PCDHGA4: variants seen among roughly 807,000 people sequenced by gnomAD.
The protein encoded by PCDHGA4 is protocadherin gamma subfamily A, 4.
PCDHGA4 carries 38 observed loss-of-function variants against 54.6 expected under a neutral mutation model. That is an observed-to-expected ratio of 0.70 (90% CI 0.54 to 0.91). PCDHGA4 has a LOEUF of 0.91. Among genes scored for constraint, PCDHGA4 ranks in the 40% least tolerant of loss-of-function variants. PCDHGA4 has a pLI of 0.00. For synonymous variants in PCDHGA4, 511 were observed against 512.9 expected, an observed-to-expected ratio of 1.00 and a Z score of 0.05; for missense variants, 1,298 against 1,220.9, an observed-to-expected ratio of 1.06 and a Z score of -0.94.
chr5:141,406,555 A>G (rs2094824314), intron 1 of PCDHGA4, among the ~76,000 whole-genome samples: 1 of 152,224 alleles, frequency 6.6e-6, no homozygotes. Context: ...TCAGTTATCC[A>G]CTTCCAAACC....
chr5:141,477,157 C>G lies in PCDHGA4; in HGVS notation c.2515-17650C>G. ...TGGTGGAGGTTGTGGATGTGAATGA[C>G]AACGCCCCGGAGATCACAGTCACCT... is the stretch of plus-strand genomic sequence containing the variant. On this transcript the variant is annotated intron_variant, in intron 1 of 3. Transcript: ENST00000571252. This position sits in a 1 kb window ranked among gnomAD's most constrained non-coding sequence, Gnocchi z 4.9. 1 of 1,614,182 alleles carries G rather than the reference C, an allele frequency of 6.2e-7. No individual in the cohort carries two copies. Among genetic ancestry groups the G allele is most frequent in the Non-Finnish European group, 8.5e-7 (1 of 1,180,038 alleles).
Position 141,489,793 on chromosome 5 carries a change from C to T in PCDHGA4, c.2515-5014C>T, listed in dbSNP as rs749700050. On this transcript the variant is annotated intron_variant, in intron 1 of 3. Transcript: ENST00000571252. The surrounding 1 kb of genome is among the most constrained non-coding windows in gnomAD (Gnocchi z 4.5). ...CCACTTCTCTCTGAATGTGAAGACC[C>T]TAAAAGATGGGAAGCCATTCCCAGA... The T allele has an allele frequency of 6.2e-7, 1 of 1,614,044 alleles. No homozygotes were observed. Among genetic ancestry groups the T allele is most frequent in the Non-Finnish European group, 8.5e-7 (1 of 1,180,010 alleles).
chr5:141,423,759 G>GGC, intron 1 of PCDHGA4: 9 of 321,042 alleles, frequency 2.8e-5, no homozygotes, highest in Non-Finnish European at 3.6e-5. Context: ...TTGGGGGGGG[G>GGC]GTGGGGCGGC....
In PCDHGA4 at chr5:141,356,048, A is replaced by G. The variant is rs1266481574; in HGVS notation, c.941A>G (p.Lys314Arg). Residue 314 changes from lysine (K) to arginine (R), a missense_variant, in exon 1 of 4, where the codon AAA becomes AGA. Transcript: ENST00000571252. ...ANGDVTYSFR[K>R]VRDKISQLFQ... is the part of the protein sequence containing the mutation. The stretch of plus-strand genomic sequence containing the variant: ...GGAGACGTGACGTATTCTTTCCGGA[A>G]AGTAAGAGACAAAATATCACAGCTA... The G allele has an allele frequency of 6.2e-7, 1 of 1,613,848 alleles. No individual in the cohort carries two copies. Among genetic ancestry groups the G allele is most frequent in the Non-Finnish European group, 8.5e-7 (1 of 1,179,906 alleles).
chr5:141,487,421 C>G lies in PCDHGA4; in HGVS notation c.2515-7386C>G. On this transcript the variant is annotated intron_variant, in intron 1 of 3. Transcript: ENST00000571252. This position sits in a 1 kb window ranked among gnomAD's most constrained non-coding sequence, Gnocchi z 5.0. ...GGGGCTTCCCCCTTCCAATGGGATC[C>G]TCCGAATCCAGCTAGGGTCAGATGA... 1 of 1,614,144 alleles carries G rather than the reference C, an allele frequency of 6.2e-7. No individual in the cohort carries two copies. The highest frequency in any genetic ancestry group is 8.5e-7 in the Non-Finnish European group (1 of 1,180,022).
chr5:141,389,930 C>G (rs1255366269), intron 1 of PCDHGA4: 1 of 1,614,064 alleles, frequency 6.2e-7, no homozygotes, highest in East Asian at 2.2e-5. Flanking sequence ...CCTCTGACCT[C>G]CAGGCTGAGC....
Position 141,431,581 on chromosome 5 carries a change from T to A in PCDHGA4, c.2515-63226T>A, listed in dbSNP as rs749863807. Reference sequence around the variant, plus strand: ...CTACCGACCCTGACGAAGGAGTCAATGCGGAAGTGAGGTATTCCTTCCGGT... The same window carrying A: ...CTACCGACCCTGACGAAGGAGTCAAAGCGGAAGTGAGGTATTCCTTCCGGT... On this transcript the variant is annotated intron_variant, in intron 1 of 3. Coordinates refer to ENST00000571252, the MANE Select transcript of PCDHGA4 (RefSeq NM_018917.4). This position sits in a 1 kb window ranked among gnomAD's most constrained non-coding sequence, Gnocchi z 4.8. 3.1e-6 allele frequency: 5 copies of A among 1,614,160 alleles called. No individual in the cohort carries two copies. In the South Asian group the frequency reaches 5.5e-5, roughly 18 times the overall value.
chr5:141,366,653 T>TACGCAGAC (rs781417459), intron 1 of PCDHGA4: 2 of 1,614,240 alleles, frequency 1.2e-6, no homozygotes, highest in East Asian at 4.5e-5. Context: ...CCAGCCCAAC[T>TACGCAGAC]ACGCAGACAC....
At chr5:141,465,826 T>A (rs1402342209) in intron 1 of PCDHGA4, among the ~76,000 whole-genome samples, 1 of 151,994 alleles carries the variant, frequency 6.6e-6, no homozygotes, top group Non-Finnish European at 1.5e-5. Context: ...CACATTTGTT[T>A]AAAATTTCAA....
intron 2 of PCDHGA4, among the ~76,000 whole-genome samples, chr5:141,500,695 T>G (rs1214079801): frequency 1.3e-5 from 2 of 152,214 alleles, no homozygotes; most frequent in Admixed American, 6.5e-5. Flanking sequence ...TTTTTCTTCT[T>G]TGCAGTGTAT....
Position 141,477,920 on chromosome 5 carries a change from C to A in PCDHGA4, c.2515-16887C>A, listed in dbSNP as rs755219711. ...GGTAGGCTGGGACGCGGATGCAGGGCACAATGCCTGGCTCTCCTACAGTCT... is the reference window on the plus strand; with the variant it reads ...GGTAGGCTGGGACGCGGATGCAGGGAACAATGCCTGGCTCTCCTACAGTCT... On this transcript the variant is annotated intron_variant, in intron 1 of 3. Transcript: ENST00000571252. The surrounding 1 kb of genome is among the most constrained non-coding windows in gnomAD (Gnocchi z 4.9). The A allele has an allele frequency of 6.2e-7, 1 of 1,614,180 alleles. No individual in the cohort carries two copies. The highest frequency in any genetic ancestry group is 8.5e-7 in the Non-Finnish European group (1 of 1,180,038).
At chr5:141,463,738 G>A (rs1002263384) in intron 1 of PCDHGA4, among the ~76,000 whole-genome samples, 4 of 151,978 alleles carry the variant, frequency 2.6e-5, no homozygotes, top group Admixed American at 2.6e-4. Flanking sequence ...GAGCCACCGC[G>A]CCCGGCCTGC....
Position 141,477,710 on chromosome 5 carries a change from G to A in PCDHGA4, c.2515-17097G>A, listed in dbSNP as rs747156156. ...GCCCCTAGACTATGAGGATCGGCGG[G>A]AATTTGAATTAACAGCTCATATCAG... On this transcript the variant is annotated intron_variant, in intron 1 of 3. Transcript: ENST00000571252. This position sits in a 1 kb window ranked among gnomAD's most constrained non-coding sequence, Gnocchi z 4.9. 2.5e-6 allele frequency: 4 copies of A among 1,613,918 alleles called. No homozygotes were observed. Among genetic ancestry groups the A allele is most frequent in the Middle Eastern group, 3.3e-4 (2 of 6,062 alleles).
At chr5:141,365,372 AT>A in intron 1 of PCDHGA4, 1 of 1,613,916 alleles carries the variant, frequency 6.2e-7, no homozygotes, top group Non-Finnish European at 8.5e-7. Flanking sequence ...CCCCGAAGTG[AT>A]CCTCACCTCT....
chr5:141,413,953 C>A, intron 1 of PCDHGA4: 1 of 1,613,310 alleles, frequency 6.2e-7, no homozygotes, highest in Non-Finnish European at 8.5e-7. Context: ...TGAGAATTTG[C>A]CTGTGGGCAC....
intron 1 of PCDHGA4, chr5:141,399,855 C>A (rs773247537): frequency 2.5e-6 from 4 of 1,612,892 alleles, no homozygotes; most frequent in Non-Finnish European, 2.5e-6. Context: ...TGGTGCCGCG[C>A]GCTGCAGAGC....
At chr5:141,409,438 A>C (rs1459982502) in intron 1 of PCDHGA4, 1 of 1,613,866 alleles carries the variant, frequency 6.2e-7, no homozygotes, top group Non-Finnish European at 8.5e-7. Context: ...CCCTGGACCG[A>C]GAGCAGACAC....
At chr5:141,462,387 A>G (rs781355919) in intron 1 of PCDHGA4, among the ~76,000 whole-genome samples, 13 of 152,178 alleles carry the variant, frequency 8.5e-5, no homozygotes, top group Non-Finnish European at 1.3e-4. Context: ...AAATTCGTTA[A>G]CATTTCTTTT....
In PCDHGA4 at chr5:141,431,414, G is replaced by A. The variant is rs1184197093; in HGVS notation, c.2515-63393G>A. On this transcript the variant is annotated intron_variant, in intron 1 of 3. Coordinates refer to ENST00000571252, the MANE Select transcript of PCDHGA4 (RefSeq NM_018917.4). The surrounding 1 kb of genome is among the most constrained non-coding windows in gnomAD (Gnocchi z 4.8). ...GGTCCTTACGGCCTCCGACGGGGGC[G>A]ACCCGGTGCGCACAGGCACCGCGCG... The A allele has an allele frequency of 6.2e-7, 1 of 1,613,658 alleles. No homozygotes were observed. The highest frequency in any genetic ancestry group is 1.7e-5 in the Admixed American group (1 of 60,026).
Sources: gnomAD v4.1 joint callset for allele counts (sites outside exome capture counted in the v4.1 genomes callset) on GRCh38, gnomAD v4.1.1 for gene constraint, Gnocchi (gnomAD v3.1) non-coding constraint, MANE v1.5 for transcripts, NCBI Gene and HGNC (gene_info 2026-07-23, HGNC 2026-07-21) for gene names.